GBA2: variants seen among roughly 807,000 people sequenced by gnomAD.
GBA2 encodes glucosylceramidase beta 2, also known as non-lysosomal glucosylceramidase.
A neutral mutation model predicts 112.9 loss-of-function variants in GBA2; 79 were observed. That is an observed-to-expected ratio of 0.70 (90% CI 0.58 to 0.84). The LOEUF (loss-of-function observed/expected upper bound fraction) is 0.84. GBA2 is among the 40% of genes least tolerant of loss of function. GBA2 has a pLI of 0.00. For synonymous variants in GBA2, 403 were observed against 434.3 expected, an observed-to-expected ratio of 0.93 and a Z score of 0.90; for missense variants, 1,043 against 1,190.0, an observed-to-expected ratio of 0.88 and a Z score of 1.82.
In GBA2 at chr9:35,739,029, C is replaced by T. The variant is rs377731521; in HGVS notation, c.1768G>A (p.Val590Ile). 1.7e-5 allele frequency: 28 copies of T among 1,613,216 alleles called. No individual in the cohort carries two copies. Among genetic ancestry groups the T allele is most frequent in the Non-Finnish European group, 2.3e-5 (27 of 1,179,448 alleles). ...GVMAPVKRRN[V>I]IPHDIGDPDD... is the part of the protein sequence containing the mutation. Reference sequence around the variant, plus strand: ...GGGTCCCCAATATCATGGGGGATGACGTTCCTCCTTTTCACAGGTGCCATC... The same window carrying T: ...GGGTCCCCAATATCATGGGGGATGATGTTCCTCCTTTTCACAGGTGCCATC... The change falls in exon 11 of 17, where the codon GTC (valine) becomes ATC (isoleucine). Residue 590 changes from valine (V) to isoleucine (I), a missense_variant. Coordinates refer to ENST00000378103, the MANE Select transcript of GBA2 (RefSeq NM_020944.3).
At chr9:35,747,580 C>T (rs191171967) in intron 1 of GBA2, among the ~76,000 whole-genome samples, 63 of 152,348 alleles carry the variant, frequency 4.1e-4, no homozygotes, top group Non-Finnish European at 8.5e-4. Flanking sequence ...TTATGCCTCC[C>T]TCCACAGTTC....
Position 35,739,365 on chromosome 9 carries a change from G to A in GBA2, c.1637C>T (p.Ala546Val), listed in dbSNP as rs1332353381. Residue 546 changes from alanine to valine, a missense_variant, in exon 10 of 17, where the codon GCC becomes GTC. By Grantham distance (64) the Ala-to-Val change is moderately conservative. Transcript: ENST00000378103. ...AAGTTTGGGCCAGAGCATGATGAGG[G>A]CAAAGGAAGCATAAAAGTGGACATC... ...TYDVHFYASF[A>V]LIMLWPKLEL... 3 of 1,613,482 alleles carry A rather than the reference G, an allele frequency of 1.9e-6. No homozygotes were observed. The highest frequency in any genetic ancestry group is 2.5e-6 in the Non-Finnish European group (3 of 1,179,536).
At position 35,741,339 on chromosome 9, in the gene GBA2, TTG is replaced by T; in HGVS notation, c.787-277_787-276del. 6 of 506,000 alleles carry T rather than the reference TTG, an allele frequency of 1.2e-5. No homozygotes were observed. The highest frequency in any genetic ancestry group is 1.4e-5 in the Non-Finnish European group (4 of 286,068). 31.3% of individuals were successfully genotyped at this position (506,000 alleles called of 1,614,324 possible). A position where few individuals can be genotyped will look rare whatever the true frequency, so the allele number is the denominator to read the frequency against. On this transcript the variant is annotated intron_variant, in intron 4 of 16. Coordinates refer to ENST00000378103, the MANE Select transcript of GBA2 (RefSeq NM_020944.3). This position sits in a 1 kb window ranked among gnomAD's most constrained non-coding sequence, Gnocchi z 4.6. ...CCATGCAGTTTCTTTTTTTTTTTTT[TTG>T]GGGGGTGCGGTGGCGCAATCTCGGC...
In GBA2 at chr9:35,746,964, A is replaced by C. The variant is rs1416828836; in HGVS notation, c.359+1382T>G. Among the ~76,000 whole-genome samples the C allele has an allele frequency of 6.6e-6, 1 of 152,212 alleles. No individual in the cohort carries two copies. The highest frequency in any genetic ancestry group is 1.5e-5 in the Non-Finnish European group (1 of 68,028). ...TAGAGCTCCTGGTCAGAGTGCCCAC[A>C]GTTCAGCTCCATCTTAGGAGCTCTC... On this transcript the variant is annotated intron_variant, in intron 1 of 16. Transcript: ENST00000378103. The surrounding 1 kb of genome is among the most constrained non-coding windows in gnomAD (Gnocchi z 5.2).
chr9:35,746,753 G>A lies in GBA2; in HGVS notation c.359+1593C>T, dbSNP rs994155832. Among the ~76,000 whole-genome samples, 1 of 152,124 alleles carries A rather than the reference G, an allele frequency of 6.6e-6. No homozygotes were observed. The highest frequency in any genetic ancestry group is 1.5e-5 in the Non-Finnish European group (1 of 68,012). Reference sequence around the variant, plus strand: ...ACCAGAAAGGACTGGTAGAGGGAGGGTGTGGCCGAGGATTAGGGCAACCAG... The same window carrying A: ...ACCAGAAAGGACTGGTAGAGGGAGGATGTGGCCGAGGATTAGGGCAACCAG... On this transcript the variant is annotated intron_variant, in intron 1 of 16. Coordinates refer to ENST00000378103, the MANE Select transcript of GBA2 (RefSeq NM_020944.3). This position sits in a 1 kb window ranked among gnomAD's most constrained non-coding sequence, Gnocchi z 5.2.
rs771612711 is a variant in GBA2 at position 35,740,247 on chromosome 9, G to A, written c.1245C>T (p.Pro415=). The part of the protein sequence containing the change: ...RLEFSLAWDM[P]RIMFGAKGQV... ...GGCCTTTAGCTCCAAACATGATCCT[G>A]GGCATGTCCCAAGCCAGTGAAAACT... Residue 415 remains proline (P), a synonymous_variant, in exon 7 of 17, where the codon CCC becomes CCT. Transcript: ENST00000378103. The surrounding 1 kb of genome is among the most constrained non-coding windows in gnomAD (Gnocchi z 4.7). 26 of 1,614,120 alleles carry A rather than the reference G, an allele frequency of 1.6e-5. No individual in the cohort carries two copies. The South Asian group carries it at 2.9e-4, about 18-fold the overall frequency.
At chr9:35,745,903 A>C (rs1307728063) in intron 1 of GBA2, among the ~76,000 whole-genome samples, 1 of 152,218 alleles carries the variant, frequency 6.6e-6, no homozygotes, top group Non-Finnish European at 1.5e-5. Flanking sequence ...GTAACCCCTA[A>C]GTCCCAGTTT....
chr9:35,744,413 C>A lies in GBA2; in HGVS notation c.452-1G>T. 1 of 1,563,582 alleles carries A rather than the reference C, an allele frequency of 6.4e-7. No homozygotes were observed. The highest frequency in any genetic ancestry group is 8.8e-7 in the Non-Finnish European group (1 of 1,133,944). ...CCCCCGATGCCACCCAAGGGACAAC[C>A]TAGAGAAATCAGGGTGGTTAGTGGG... is the stretch of plus-strand genomic sequence containing the variant. On this transcript the variant is annotated splice_acceptor_variant, in intron 2 of 16. Coordinates refer to ENST00000378103, the MANE Select transcript of GBA2 (RefSeq NM_020944.3). LOFTEE classifies it high-confidence loss of function.
At position 35,738,338 on chromosome 9, in the gene GBA2, A is replaced by G; in HGVS notation, c.2091T>C (p.Ala697=). 6.2e-7 allele frequency: 1 copy of G among 1,614,096 alleles called. No individual in the cohort carries two copies. The highest frequency in any genetic ancestry group is 1.3e-5 in the African/African-American group (1 of 75,044). ...YCGGLWLAAV[A]VMVQMAALCG... is the part of the protein sequence containing the mutation. ...ACAGAGCAGCCATCTGGACCATCAC[A>G]GCCACAGCTGCCAGCCACAGCCCTC... Residue 697 remains alanine (A), a synonymous_variant, in exon 14 of 17, where the codon GCT becomes GCC. Transcript: ENST00000378103.
chr9:35,742,356 A>C (rs1045607901), intron 3 of GBA2, among the ~76,000 whole-genome samples: 2 of 152,092 alleles, frequency 1.3e-5, no homozygotes, highest in African/African-American at 4.8e-5. Flanking sequence ...TCATATAAAA[A>C]CACTCACTGT....
chr9:35,739,974 G>A (rs1302968830), intron 8 of GBA2, 24 bp downstream of exon 8: 1 of 1,613,392 alleles, frequency 6.2e-7, no homozygotes, highest in Non-Finnish European at 8.5e-7. Context: ...CAGGAGAAAG[G>A]CAAGAAATGG....
In GBA2 at chr9:35,739,065, T is replaced by C; in HGVS notation, c.1732A>G (p.Met578Val). Reference protein sequence around the residue: ...REDLTRRRYLMSGVMAPVKRR... With the variant: ...REDLTRRRYLVSGVMAPVKRR... ...TTCACAGGTGCCATCACCCCACTCA[T>C]CAGGTACCGTCGCCGTGTCAGGTCC... The change falls in exon 11 of 17, where the codon ATG (methionine) becomes GTG (valine). Residue 578 changes from methionine to valine, a missense_variant. By Grantham distance (21) the Met-to-Val change is conservative. Transcript: ENST00000378103. The C allele has an allele frequency of 6.2e-7, 1 of 1,613,336 alleles. No individual in the cohort carries two copies. The highest frequency in any genetic ancestry group is 1.7e-4 in the Middle Eastern group (1 of 6,058).
At position 35,739,333 on chromosome 9, in the gene GBA2, T is replaced by C. The variant is rs752097163; in HGVS notation, c.1669A>G (p.Ser557Gly). The change falls in exon 10 of 17, where the codon AGC (serine) becomes GGC (glycine). Residue 557 changes from serine to glycine, a missense_variant. Ser to Gly is a moderately conservative substitution (Grantham distance 56, BLOSUM62 0). Coordinates refer to ENST00000378103, the MANE Select transcript of GBA2 (RefSeq NM_020944.3). ...LIMLWPKLELSLQYDMALATL... is the reference protein window; with the variant it reads ...LIMLWPKLELGLQYDMALATL... ...TCCTCACCCATGTCATACTGTAGGC[T>C]GAGCTCAAGTTTGGGCCAGAGCATG... 4.2e-5 allele frequency: 67 copies of C among 1,611,330 alleles called. No homozygotes were observed. The highest frequency in any genetic ancestry group is 5.3e-5 in the Non-Finnish European group (62 of 1,177,478).
At position 35,740,665 on chromosome 9, in the gene GBA2, C is replaced by T. The variant is rs757116933; in HGVS notation, c.1027-37G>A. 49 of 1,552,358 alleles carry T rather than the reference C, an allele frequency of 3.2e-5. No homozygotes were observed. Among genetic ancestry groups the T allele is most frequent in the Admixed American group, 8.4e-5 (5 of 59,790 alleles). The stretch of plus-strand genomic sequence containing the variant: ...TCAGGGACTGTGAGGGCAGGCTCCA[C>T]GAGTACACTGGGTCCCGGCTAGCTC... On this transcript the variant is annotated intron_variant, in intron 5 of 16. Transcript: ENST00000378103. The surrounding 1 kb of genome is among the most constrained non-coding windows in gnomAD (Gnocchi z 4.7).
At position 35,740,122 on chromosome 9, in the gene GBA2, G is replaced by A. The variant is rs748661440; in HGVS notation, c.1285C>T (p.Arg429Trp). The change falls in exon 8 of 17, where the codon CGG becomes TGG. Residue 429 changes from arginine (R) to tryptophan (W), a missense_variant and splice_region_variant. Transcript: ENST00000378103. This position sits in a 1 kb window ranked among gnomAD's most constrained non-coding sequence, Gnocchi z 4.7. The part of the protein sequence containing the change: ...FGAKGQVHYR[R>W]YTRFFGQDGD... ...TCCTGGCCAAAGAACCTTGTATACC[G>A]CCTGGGGTGGGAAGGGGAAGGATGA... 15 of 1,613,924 alleles carry A rather than the reference G, an allele frequency of 9.3e-6. No homozygotes were observed. The South Asian group carries it at 9.9e-5, about 11-fold the overall frequency.
chr9:35,737,302 CA>C lies in GBA2; in HGVS notation c.2650del (p.Trp884GlyfsTer5). 1 of 1,614,072 alleles carries C rather than the reference CA, an allele frequency of 6.2e-7. No homozygotes were observed. Among genetic ancestry groups the C allele is most frequent in the Non-Finnish European group, 8.5e-7 (1 of 1,179,986 alleles). The part of the protein sequence containing the change: ...SLAYMRPLSI[W>X]AMQLALQQQQ... The stretch of plus-strand genomic sequence containing the variant: ...CTGTTGCAGGGCTAGCTGCATGGCC[CA>C]TATGCTCAGTGGCCGCATGTAGGCC... On this transcript the variant is annotated frameshift_variant, in exon 17 of 17. Coordinates refer to ENST00000378103, the MANE Select transcript of GBA2 (RefSeq NM_020944.3). LOFTEE classifies it low-confidence loss of function (END_TRUNC). This position sits in a 1 kb window ranked among gnomAD's most constrained non-coding sequence, Gnocchi z 4.1.
intron 2 of GBA2, 58 bp downstream of exon 2, chr9:35,744,557 G>A: frequency 8.7e-7 from 1 of 1,152,390 alleles, no homozygotes; most frequent in South Asian, 1.2e-5. Context: ...CTTCCTAACT[G>A]TGGTAGACCT....
rs1826249980 is a variant in GBA2, at chr9:35,737,095, G to A, written c.*74C>T. 2 of 1,542,160 alleles carry A rather than the reference G, an allele frequency of 1.3e-6. No homozygotes were observed. Among genetic ancestry groups the A allele is most frequent in the South Asian group, 2.5e-5 (2 of 80,854 alleles). The stretch of plus-strand genomic sequence containing the variant: ...GTCCTGATGGCTCAGGGTTGCAGGA[G>A]GTTCAGAGGGGAAGGAGGAAAGGCC... On this transcript the variant is annotated 3_prime_UTR_variant, in exon 17 of 17. Transcript: ENST00000378103. The surrounding 1 kb of genome is among the most constrained non-coding windows in gnomAD (Gnocchi z 4.1).
Position 35,741,340 on chromosome 9 carries a change from TG to T in GBA2, c.787-277del, listed in dbSNP as rs1216787529. ...CATGCAGTTTCTTTTTTTTTTTTTT[TG>T]GGGGGTGCGGTGGCGCAATCTCGGC... On this transcript the variant is annotated intron_variant, in intron 4 of 16. Coordinates refer to ENST00000378103, the MANE Select transcript of GBA2 (RefSeq NM_020944.3). This position sits in a 1 kb window ranked among gnomAD's most constrained non-coding sequence, Gnocchi z 4.6. 2.2e-5 allele frequency: 10 copies of T among 464,916 alleles called. No homozygotes were observed. Among genetic ancestry groups the T allele is most frequent in the South Asian group, 8.6e-5 (3 of 34,838 alleles). 28.8% of individuals were successfully genotyped at this position (464,916 alleles called of 1,614,324 possible). A position where few individuals can be genotyped will look rare whatever the true frequency, so the allele number is the denominator to read the frequency against.
Sources: allele counts gnomAD v4.1 joint callset (sites outside exome capture counted in the v4.1 genomes callset), GRCh38; gene constraint gnomAD v4.1.1; non-coding constraint Gnocchi (gnomAD v3.1); transcripts MANE v1.5; gene names NCBI Gene and HGNC (gene_info 2026-07-23, HGNC 2026-07-21).